PATJ: variants seen among roughly 807,000 people sequenced by gnomAD.
PATJ encodes PATJ crumbs cell polarity complex component.
A neutral mutation model predicts 224.9 loss-of-function variants in PATJ; 190 were observed. The ratio of observed to expected loss-of-function variants is 0.84; its 90% CI spans 0.75 to 0.95. The LOEUF is 0.95. Ranked by LOEUF, PATJ falls within the 40% of genes least tolerant of loss-of-function variation. The pLI, the probability that PATJ is intolerant of heterozygous loss-of-function variation, is 0.00. For missense variants in PATJ, 2,121 were observed against 2,270.3 expected (o/e 0.93, Z 1.34); for synonymous variants, 769 against 820.3 (o/e 0.94, Z 1.07).
In PATJ at chr1:61,864,347, C is replaced by T; in HGVS notation, c.2549C>T (p.Ala850Val). Reference sequence around the variant, plus strand: ...AAAGAGATAGAGCAAAGCAAGGAGGCCTGGGAGATGCATGAATTTCTGACT... The same window carrying T: ...AAAGAGATAGAGCAAAGCAAGGAGGTCTGGGAGATGCATGAATTTCTGACT... ...QQKEIEQSKE[A>V]WEMHEFLTPR... Residue 850 changes from alanine to valine, a missense_variant, in exon 20 of 44, where the codon GCC becomes GTC. By Grantham distance (64) the Ala-to-Val change is moderately conservative (BLOSUM62 0). Transcript: ENST00000642238. The T allele has an allele frequency of 6.2e-7, 1 of 1,613,998 alleles. No homozygotes were observed. The highest frequency in any genetic ancestry group is 8.5e-7 in the Non-Finnish European group (1 of 1,179,916).
At chr1:61,850,929 G>C (rs1570892134) in intron 17 of PATJ, among the ~76,000 whole-genome samples, 1 of 152,288 alleles carries the variant, frequency 6.6e-6, no homozygotes, top group East Asian at 1.9e-4. Flanking sequence ...TATATGATGG[G>C]ATGTGGCTTT....
intron 21 of PATJ, among the ~76,000 whole-genome samples, chr1:61,876,585 C>T (rs1017865863): frequency 2.0e-5 from 3 of 152,182 alleles, no homozygotes; most frequent in African/African-American, 4.8e-5. Context: ...TGCTTAGCAG[C>T]GTCCCTGTCT....
chr1:62,160,614 T>G (rs1455853787), intron 43 of PATJ, among the ~76,000 whole-genome samples: 1 of 152,238 alleles, frequency 6.6e-6, no homozygotes, highest in East Asian at 1.9e-4. Context: ...CAATTCCATT[T>G]AATACTAAAT....
intron 28 of PATJ, among the ~76,000 whole-genome samples, chr1:62,003,366 A>G (rs1161340073): frequency 1.3e-5 from 2 of 152,208 alleles, no homozygotes; most frequent in East Asian, 1.9e-4. Context: ...CAATATAACA[A>G]ATTTAGACAG....
At chr1:61,896,480 G>C (rs190657696) in intron 22 of PATJ, among the ~76,000 whole-genome samples, 3 of 152,210 alleles carry the variant, frequency 2.0e-5, no homozygotes, top group Admixed American at 6.5e-5. Context: ...AGGCTTCTAG[G>C]TGGAAAGGAC....
intron 26 of PATJ, among the ~76,000 whole-genome samples, chr1:61,915,851 C>T (rs945625331): frequency 7.2e-5 from 11 of 151,958 alleles, no homozygotes; most frequent in African/African-American, 2.7e-4. Context: ...CATGTGCCAC[C>T]ATGCCCAGCT....
intron 16 of PATJ, among the ~76,000 whole-genome samples, chr1:61,829,618 A>G (rs370776538): frequency 4.6e-5 from 7 of 152,366 alleles, no homozygotes; most frequent in Middle Eastern, 6.8e-3. Context: ...TCAAAGTGAT[A>G]TATTTCAGGT....
rs535654867 is a variant in PATJ, at chr1:62,021,954, A to G, written c.3959+4007A>G. Among the ~76,000 whole-genome samples the G allele has an allele frequency of 7.2e-5, 11 of 152,236 alleles. No homozygotes were observed. The South Asian group carries it at 2.1e-3, about 29-fold the overall frequency. On this transcript the variant is annotated intron_variant, in intron 29 of 43. Transcript: ENST00000642238. Reference sequence around the variant, plus strand: ...GTATTTCTTTACAATTTGCACTTCTATTTGGCAAAATTTCCTTCCTTAGTT... The same window carrying G: ...GTATTTCTTTACAATTTGCACTTCTGTTTGGCAAAATTTCCTTCCTTAGTT...
In PATJ at chr1:61,914,662, A is replaced by G. The variant is rs1260735040; in HGVS notation, c.3568A>G (p.Lys1190Glu). The stretch of plus-strand genomic sequence containing the variant: ...CCAGGACACCCAAGAAAAGAAAGAA[A>G]AGGTAACTTGAACCTCTCAAGGATT... ...QNQDTQEKKE[K>E]RQGTAPPPMK... The change falls in exon 26 of 44, where the codon AAG becomes GAG. Residue 1190 changes from lysine to glutamate, a missense_variant and splice_region_variant. Lys to Glu is a moderately conservative substitution (Grantham distance 56). Coordinates refer to ENST00000642238, the MANE Select transcript of PATJ (RefSeq NM_001350145.3). The G allele has an allele frequency of 1.9e-6, 3 of 1,560,622 alleles. No individual in the cohort carries two copies. Among genetic ancestry groups the G allele is most frequent in the Non-Finnish European group, 1.8e-6 (2 of 1,134,022 alleles).
intron 31 of PATJ, among the ~76,000 whole-genome samples, chr1:62,068,663 G>T (rs967077058): frequency 6.6e-6 from 1 of 152,184 alleles, no homozygotes; most frequent in African/African-American, 2.4e-5. Flanking sequence ...CCAGCTTTGG[G>T]GATTGTCAGC....
intron 7 of PATJ, among the ~76,000 whole-genome samples, chr1:61,785,035 C>T (rs1648215938): frequency 6.6e-6 from 1 of 152,192 alleles, no homozygotes; most frequent in African/African-American, 2.4e-5. Context: ...CAATCTAAAG[C>T]ATTCCTTCAT....
At chr1:62,053,104 C>A (rs780386257) in intron 31 of PATJ, among the ~76,000 whole-genome samples, 2 of 152,198 alleles carry the variant, frequency 1.3e-5, no homozygotes, top group Non-Finnish European at 2.9e-5. Flanking sequence ...TCCCAGTTCC[C>A]AAGTAAGCAA....
At chr1:62,103,588 A>G (rs1197718236) in intron 33 of PATJ, among the ~76,000 whole-genome samples, 1 of 152,116 alleles carries the variant, frequency 6.6e-6, no homozygotes, top group African/African-American at 2.4e-5. Flanking sequence ...CCTCATCTCT[A>G]CTAAAAAATA....
intron 10 of PATJ, among the ~76,000 whole-genome samples, chr1:61,795,788 A>ATT (rs145314876): frequency 1.3e-5 from 2 of 151,890 alleles, no homozygotes; most frequent in Admixed American, 1.3e-4. Flanking sequence ...AAAAAAGTAT[A>ATT]TTTTTTCTAT....
At chr1:61,774,640 A>G (rs1646816291) in intron 6 of PATJ, among the ~76,000 whole-genome samples, 1 of 152,212 alleles carries the variant, frequency 6.6e-6, no homozygotes, top group Non-Finnish European at 1.5e-5. Flanking sequence ...ACCCAGTTAA[A>G]TCCAACCTTT....
intron 39 of PATJ, 59 bp downstream of exon 39, chr1:62,123,117 G>A: frequency 2.5e-6 from 3 of 1,203,542 alleles, no homozygotes; most frequent in East Asian, 2.4e-5. Flanking sequence ...TGCACTAAAT[G>A]TACATTTTCC....
intron 14 of PATJ, among the ~76,000 whole-genome samples, chr1:61,815,578 C>T (rs141793480): frequency 1.5e-4 from 23 of 152,102 alleles, no homozygotes; most frequent in African/African-American, 5.3e-4. Flanking sequence ...CATGACTGGG[C>T]GGGGTGGTTT....
At chr1:61,992,410 G>A (rs1327333516) in intron 28 of PATJ, among the ~76,000 whole-genome samples, 1 of 152,100 alleles carries the variant, frequency 6.6e-6, no homozygotes, top group East Asian at 1.9e-4. Flanking sequence ...GAGTCACCAG[G>A]CCTGGTCCCC....
At chr1:61,919,393 A>G (rs978761163) in intron 26 of PATJ, among the ~76,000 whole-genome samples, 1 of 151,570 alleles carries the variant, frequency 6.6e-6, no homozygotes, top group Non-Finnish European at 1.5e-5. Context: ...GCTCACTGCA[A>G]CCTCACTGCC....
Sources: allele counts gnomAD v4.1 joint callset (sites outside exome capture counted in the v4.1 genomes callset), GRCh38; gene constraint gnomAD v4.1.1; transcripts MANE v1.5; gene names NCBI Gene and HGNC (gene_info 2026-07-23, HGNC 2026-07-21).